Variants in CHD1L observed in about 807,000 individuals in gnomAD.
CHD1L encodes the protein ATP-dependent chromatin remodeler CHD1L.
A neutral mutation model predicts 115.9 loss-of-function variants in CHD1L; 118 were observed. That is an observed-to-expected ratio of 1.02 (90% CI 0.88 to 1.19). CHD1L has a LOEUF of 1.19. CHD1L is among the 50% of genes most tolerant of loss of function. CHD1L has a pLI of 0.00. For synonymous variants in CHD1L, 411 were observed against 387.1 expected, an observed-to-expected ratio of 1.06 and a Z score of -0.72; for missense variants, 1,179 against 1,065.3, an observed-to-expected ratio of 1.11 and a Z score of -1.49.
At chr1:147,273,618 G>A (rs185838592) in intron 12 of CHD1L, among the ~76,000 whole-genome samples, 11 of 152,236 alleles carry the variant, frequency 7.2e-5, no homozygotes, top group Admixed American at 4.6e-4. Context: ...CATCACTGCC[G>A]GGAAAACAGT....
At chr1:147,263,977 A>G (rs6675793) in intron 6 of CHD1L, among the ~76,000 whole-genome samples, 61,366 of 152,016 alleles carry the variant, frequency 0.4, 12,445 homozygotes, top group South Asian at 0.44. Flanking sequence ...TATAAATCTT[A>G]CTTATTGCTT....
the CHD1L span, chr1:147,201,037 G>A: frequency 2.7e-6 from 2 of 741,396 alleles, no homozygotes; most frequent in Admixed American, 2.7e-5. Context: ...TACTAACTTT[G>A]TGCTAGGCAC....
chr1:147,224,854 G>C, the CHD1L span: 2 of 1,591,386 alleles, frequency 1.3e-6, no homozygotes, highest in East Asian at 4.5e-5. Flanking sequence ...CCTAGTTGCA[G>C]GGAGGGTTTC....
intron 14 of CHD1L, among the ~76,000 whole-genome samples, chr1:147,277,799 G>A (rs1205384762): frequency 6.6e-6 from 1 of 152,156 alleles, no homozygotes; most frequent in African/African-American, 2.4e-5. Flanking sequence ...GAGAGAGAAG[G>A]TCACTGCTGG....
At chr1:147,261,413 T>TTTTTTA (rs375382138) in intron 6 of CHD1L, among the ~76,000 whole-genome samples, 13 of 92,702 alleles carry the variant, frequency 1.4e-4, no homozygotes, top group South Asian at 1.1e-3. Context: ...TTTTTTTTTT[T>TTTTTTA]ATATATAAAG....
At chr1:147,200,722 T>TA in the CHD1L span, among the ~76,000 whole-genome samples, 2 of 152,136 alleles carry the variant, frequency 1.3e-5, no homozygotes, top group African/African-American at 4.8e-5. Context: ...TCGGCCGAAA[T>TA]AAAGTCATAC....
chr1:147,283,059 T>TA lies in CHD1L; in HGVS notation c.1706-1286dup, dbSNP rs782149910. Among the ~76,000 whole-genome samples the TA allele has an allele frequency of 2.0e-5, 3 of 152,280 alleles. No individual in the cohort carries two copies. The South Asian group carries it at 6.2e-4, about 32-fold the overall frequency. ...TAACGTGGCCCCAATCAGAATTAAATAAAAAACAGGGTTGCTTTATCTTAA... is the reference window on the plus strand; with the variant it reads ...TAACGTGGCCCCAATCAGAATTAAATAAAAAAACAGGGTTGCTTTATCTTAA... On this transcript the variant is annotated intron_variant, in intron 15 of 22. Coordinates refer to ENST00000369258, the MANE Select transcript of CHD1L (RefSeq NM_004284.6).
chr1:147,179,381 T>C, the CHD1L span: 5 of 1,599,614 alleles, frequency 3.1e-6, no homozygotes, highest in Non-Finnish European at 4.3e-6. Context: ...GGCGAGAAGC[T>C]CAGCAAAGAC....
chr1:147,223,405 G>A, the CHD1L span: 2 of 152,256 alleles, frequency 1.3e-5, no homozygotes, highest in South Asian at 4.1e-4. Flanking sequence ...ACTAAGAAAT[G>A]CTATAAAGCC....
chr1:147,242,823 G>A lies in CHD1L; in HGVS notation c.120G>A (p.Gly40=), dbSNP rs782216997. Reference sequence around the variant, plus strand: ...AGGAGCAGGACTTACGGCAGTGGGGGCTGACAGGTGAGCGGGCTCCGGGCG... The same window carrying A: ...AGGAGCAGGACTTACGGCAGTGGGGACTGACAGGTGAGCGGGCTCCGGGCG... ...RVQEQDLRQW[G]LTGIHLRSYQ... The change falls in exon 1 of 23, where the codon GGG becomes GGA. Residue 40 remains glycine (G), a synonymous_variant. Transcript: ENST00000369258. 10 of 1,278,006 alleles carry A rather than the reference G, an allele frequency of 7.8e-6. No homozygotes were observed. The highest frequency in any genetic ancestry group is 1.5e-5 in the African/African-American group (1 of 65,832). 79.2% of individuals were successfully genotyped at this position (1,278,006 alleles called of 1,614,324 possible).
intron 5 of CHD1L, among the ~76,000 whole-genome samples, chr1:147,257,766 C>T (rs187106474): frequency 2.6e-5 from 4 of 152,144 alleles, no homozygotes; most frequent in African/African-American, 4.8e-5. Flanking sequence ...GGTAACCCAT[C>T]CAAGGTTACA....
chr1:147,177,520 G>T, the CHD1L span, among the ~76,000 whole-genome samples: 1 of 152,132 alleles, frequency 6.6e-6, no homozygotes, highest in African/African-American at 2.4e-5. Context: ...GCGCAGTATG[G>T]AAAGGAGGAA....
At chr1:147,291,996 G>A (rs1426018683) in intron 20 of CHD1L, among the ~76,000 whole-genome samples, 1 of 151,864 alleles carries the variant, frequency 6.6e-6, no homozygotes, top group African/African-American at 2.4e-5. Flanking sequence ...ATGAATTTGG[G>A]GGGACACAGT....
the CHD1L span, among the ~76,000 whole-genome samples, chr1:147,206,671 C>A: frequency 9.9e-5 from 15 of 152,202 alleles, no homozygotes; most frequent in Non-Finnish European, 1.8e-4. Context: ...GGACAAAAAA[C>A]CAAACACTGC....
At chr1:147,269,160 G>A (rs1675147010) in intron 10 of CHD1L, among the ~76,000 whole-genome samples, 1 of 152,108 alleles carries the variant, frequency 6.6e-6, no homozygotes, top group Admixed American at 6.5e-5. Flanking sequence ...TGGTGTTTAT[G>A]TTTACCGTTA....
intron 3 of CHD1L, among the ~76,000 whole-genome samples, chr1:147,255,312 CT>C (rs1669730151): frequency 6.6e-6 from 1 of 152,196 alleles, no homozygotes; most frequent in Non-Finnish European, 1.5e-5. Flanking sequence ...ACCACAACTT[CT>C]GCCTCCCAGG....
chr1:147,217,155 G>A, the CHD1L span, among the ~76,000 whole-genome samples: 1 of 151,990 alleles, frequency 6.6e-6, no homozygotes. Context: ...CAGGAGAATC[G>A]CTTGAACCCG....
chr1:147,262,132 C>G (rs1040006200), intron 6 of CHD1L, among the ~76,000 whole-genome samples: 14 of 147,490 alleles, frequency 9.5e-5, no homozygotes, highest in Non-Finnish European at 1.9e-4. Context: ...AGAGATGGAG[C>G]TGGCAGTGAG....
At chr1:147,240,795 C>T (rs587749190), upstream of CHD1L, among the ~76,000 whole-genome samples, 1 of 152,174 alleles carries the variant, frequency 6.6e-6, no homozygotes, top group African/African-American at 2.4e-5. Context: ...GATGCAGAGA[C>T]ATTTGTTCAC....
Sources: gnomAD v4.1 joint callset for allele counts (sites outside exome capture counted in the v4.1 genomes callset) on GRCh38, gnomAD v4.1.1 for gene constraint, MANE v1.5 for transcripts, NCBI Gene and HGNC (gene_info 2026-07-23, HGNC 2026-07-21) for gene names.